Variants in ITPR2 observed in about 807,000 individuals in gnomAD.
ITPR2 encodes inositol 1,4,5-trisphosphate-gated calcium channel ITPR2.
ITPR2 carries 207 observed loss-of-function variants against 317.1 expected under a neutral mutation model. That is an observed-to-expected ratio of 0.65 (90% CI 0.58 to 0.73). The LOEUF (loss-of-function observed/expected upper bound fraction) is 0.73, where lower values mean the gene tolerates loss of function less well. Among genes scored for constraint, ITPR2 ranks in the 30% least tolerant of loss-of-function variants. The pLI is 0.00. For missense variants in ITPR2, 2,613 were observed against 3,284.0 expected (o/e 0.80, Z 4.99); for synonymous variants, 1,156 against 1,149.1 (o/e 1.01, Z -0.12).
At chr12:26,411,439 T>C (rs755058441) in intron 51 of ITPR2, 27 bp from the exon 52 acceptor site, 8 of 1,486,868 alleles carry the variant, frequency 5.4e-6, no homozygotes, top group South Asian at 1.1e-5. Context: ...TAGTATATAA[T>C]ATAGAGTCAA....
intron 55 of ITPR2, among the ~76,000 whole-genome samples, chr12:26,377,580 C>A (rs540725890): frequency 9.2e-5 from 14 of 152,270 alleles, no homozygotes; most frequent in Admixed American, 2.6e-4. Flanking sequence ...TTGAGGTTTT[C>A]CCTACCTGTT....
At chr12:26,674,488 G>A (rs1168667612) in intron 13 of ITPR2, among the ~76,000 whole-genome samples, 3 of 152,150 alleles carry the variant, frequency 2.0e-5, no homozygotes, top group African/African-American at 7.2e-5. Context: ...AAACTGGCTA[G>A]CCATATGTAG....
intron 37 of ITPR2, among the ~76,000 whole-genome samples, chr12:26,545,755 G>A (rs1349102675): frequency 6.6e-6 from 1 of 152,120 alleles, no homozygotes; most frequent in Non-Finnish European, 1.5e-5. Context: ...TATCATCCAA[G>A]GCCATTTCAC....
chr12:26,770,089 TCTGTTGTA>T (rs1280201755), intron 2 of ITPR2, among the ~76,000 whole-genome samples: 2 of 152,220 alleles, frequency 1.3e-5, no homozygotes, highest in Non-Finnish European at 2.9e-5. Flanking sequence ...TAAAATGTAC[TCTGTTGTA>T]CTGTTATAAG....
rs1277705833 is a variant in ITPR2, at chr12:26,722,520, G to A, written c.402C>T (p.Val134=). ...LHIKSNKYLT[V]NKRLPALLEK... ...CCAGTAAAGCAGGTAATCTCTTGTT[G>A]ACAGTAAGATATTTGTTGCTTTTTA... is the stretch of plus-strand genomic sequence containing the variant. Residue 134 remains valine, a synonymous_variant, in exon 5 of 57, where the codon GTC becomes GTT. Transcript: ENST00000381340. 6.2e-7 allele frequency: 1 copy of A among 1,612,930 alleles called. No individual in the cohort carries two copies. The highest frequency in any genetic ancestry group is 1.7e-5 in the Admixed American group (1 of 59,930).
intron 2 of ITPR2, among the ~76,000 whole-genome samples, chr12:26,732,209 T>C (rs2137063874): frequency 6.6e-6 from 1 of 152,212 alleles, no homozygotes; most frequent in East Asian, 1.9e-4. Flanking sequence ...TCAATTATTA[T>C]ACTACGAAAG....
intron 9 of ITPR2, among the ~76,000 whole-genome samples, chr12:26,708,276 A>G (rs774622784): frequency 5.3e-5 from 8 of 152,230 alleles, no homozygotes; most frequent in Non-Finnish European, 8.8e-5. Context: ...AAATCAGTAT[A>G]TGGAAGAGGT....
chr12:26,443,015 C>T (rs1279505370), intron 46 of ITPR2, among the ~76,000 whole-genome samples: 4 of 152,102 alleles, frequency 2.6e-5, no homozygotes, highest in Non-Finnish European at 5.9e-5. Context: ...CCTGGACTGC[C>T]ACCAACCATT....
chr12:26,462,860 T>C (rs1254018999), intron 45 of ITPR2, among the ~76,000 whole-genome samples: 1 of 151,698 alleles, frequency 6.6e-6, no homozygotes, highest in African/African-American at 2.4e-5. Context: ...TTAGTAGAGA[T>C]GGGGTTTCAC....
chr12:26,503,277 T>G (rs1943115839), intron 37 of ITPR2, among the ~76,000 whole-genome samples: 1 of 151,506 alleles, frequency 6.6e-6, no homozygotes, highest in South Asian at 2.1e-4. Flanking sequence ...AGAAATAGAT[T>G]ATTCTTAAAA....
At chr12:26,723,136 A>T (rs1272518464) in intron 4 of ITPR2, among the ~76,000 whole-genome samples, 2 of 152,142 alleles carry the variant, frequency 1.3e-5, no homozygotes, top group African/African-American at 2.4e-5. Flanking sequence ...GACTTTGTGA[A>T]CAAAATCTTA....
At chr12:26,503,509 A>C (rs1943120019) in intron 37 of ITPR2, among the ~76,000 whole-genome samples, 1 of 152,180 alleles carries the variant, frequency 6.6e-6, no homozygotes, top group Non-Finnish European at 1.5e-5. Context: ...AATACATAAG[A>C]AGTTCAGTTT....
intron 1 of ITPR2, among the ~76,000 whole-genome samples, chr12:26,796,338 T>C (rs1950442736): frequency 6.6e-6 from 1 of 152,118 alleles, no homozygotes; most frequent in African/African-American, 2.4e-5. Flanking sequence ...ACCACTAATA[T>C]CTTTTAGAAG....
At chr12:26,542,969 G>A (rs1944300654) in intron 37 of ITPR2, among the ~76,000 whole-genome samples, 1 of 152,282 alleles carries the variant, frequency 6.6e-6, no homozygotes, top group East Asian at 1.9e-4. Flanking sequence ...CAGAAGCTAT[G>A]AATTTTATAT....
Position 26,597,036 on chromosome 12 carries a change from A to G in ITPR2, c.4101T>C (p.Asp1367=). 1.2e-6 allele frequency: 2 copies of G among 1,614,120 alleles called. No individual in the cohort carries two copies. The highest frequency in any genetic ancestry group is 1.7e-6 in the Non-Finnish European group (2 of 1,180,004). The change falls in exon 31 of 57, where the codon GAT becomes GAC. Residue 1367 remains aspartate, a synonymous_variant. Coordinates refer to ENST00000381340, the MANE Select transcript of ITPR2 (RefSeq NM_002223.4). ...HMMCSERDRG[D]ESGPLAYHIT... Reference sequence around the variant, plus strand: ...TGTGGTAGGCTAAGGGGCCACTCTCATCCCCTCGGTCTCTCTCTGAACACA... The same window carrying G: ...TGTGGTAGGCTAAGGGGCCACTCTCGTCCCCTCGGTCTCTCTCTGAACACA...
chr12:26,515,221 T>C (rs1196485245), intron 37 of ITPR2, among the ~76,000 whole-genome samples: 3 of 152,228 alleles, frequency 2.0e-5, no homozygotes, highest in African/African-American at 7.2e-5. Context: ...GTAGTTTTCT[T>C]GGAATGCTCA....
At chr12:26,699,193 C>T (rs1344355463) in intron 9 of ITPR2, among the ~76,000 whole-genome samples, 2 of 151,982 alleles carry the variant, frequency 1.3e-5, no homozygotes, top group Non-Finnish European at 2.9e-5. Context: ...TGCACAAAAA[C>T]AGGAATTAAT....
chr12:26,808,318 T>C (rs1216690327), intron 1 of ITPR2, among the ~76,000 whole-genome samples: 1 of 152,228 alleles, frequency 6.6e-6, no homozygotes, highest in Non-Finnish European at 1.5e-5. Context: ...TTTCTGTTCC[T>C]TTCAGTAGAA....
At chr12:26,384,090 A>T (rs1336174521) in intron 55 of ITPR2, among the ~76,000 whole-genome samples, 1 of 152,256 alleles carries the variant, frequency 6.6e-6, no homozygotes, top group Non-Finnish European at 1.5e-5. Context: ...AATGTCTGGA[A>T]GATTTCCTAC....
Sources: allele counts gnomAD v4.1 joint callset (sites outside exome capture counted in the v4.1 genomes callset), GRCh38; gene constraint gnomAD v4.1.1; transcripts MANE v1.5; gene names NCBI Gene and HGNC (gene_info 2026-07-23, HGNC 2026-07-21).